CALCOCO2: variants seen among roughly 807,000 people sequenced by gnomAD.
CALCOCO2 encodes calcium-binding and coiled-coil domain-containing protein 2.
CALCOCO2 carries 42 observed loss-of-function variants against 62.5 expected under a neutral mutation model. That is an observed-to-expected ratio of 0.67 (90% confidence interval 0.53 to 0.87). The LOEUF (loss-of-function observed/expected upper bound fraction) is 0.87. CALCOCO2 is among the 40% of genes least tolerant of loss of function. CALCOCO2 has a pLI of 0.00. For synonymous variants in CALCOCO2, 167 were observed against 173.0 expected, an observed-to-expected ratio of 0.97 and a Z score of 0.27; for missense variants, 456 against 515.0, an observed-to-expected ratio of 0.89 and a Z score of 1.11.
chr17:48,859,602 A>G (rs2040297358), intron 10 of CALCOCO2, among the ~76,000 whole-genome samples: 1 of 151,766 alleles, frequency 6.6e-6, no homozygotes, highest in Non-Finnish European at 1.5e-5. Flanking sequence ...CCCTGTCTCT[A>G]AAAAAAACAA....
intron 1 of CALCOCO2, among the ~76,000 whole-genome samples, chr17:48,837,104 T>A (rs765868361): frequency 1.2e-4 from 18 of 152,114 alleles, no homozygotes; most frequent in Non-Finnish European, 2.2e-4. Flanking sequence ...TTCTTCATGA[T>A]CCGCAAAGGA....
Position 48,862,999 on chromosome 17 carries a change from TC to T in CALCOCO2, c.1336del (p.Leu446SerfsTer16). The T allele has an allele frequency of 6.2e-7, 1 of 1,608,420 alleles. No individual in the cohort carries two copies. The highest frequency in any genetic ancestry group is 1.1e-5 in the South Asian group (1 of 90,942). On this transcript the variant is annotated frameshift_variant, in exon 13 of 13. Coordinates refer to ENST00000258947, the MANE Select transcript of CALCOCO2 (RefSeq NM_005831.5). LOFTEE classifies it high-confidence loss of function. ...IFEDHVFCHS[L>X] ...TTGAAGACCACGTGTTCTGCCACTCTCTCTGAGTATCCCAACCTCTTGGATG... is the reference window on the plus strand; with the variant it reads ...TTGAAGACCACGTGTTCTGCCACTCTTCTGAGTATCCCAACCTCTTGGATG...
chr17:48,849,421 A>T (rs780880543), intron 5 of CALCOCO2, 44 bp downstream of exon 5: 1 of 1,572,062 alleles, frequency 6.4e-7, no homozygotes, highest in South Asian at 1.1e-5. Context: ...TGGAGATCAG[A>T]ATTGGATGGT....
chr17:48,837,134 C>T (rs999309332), intron 1 of CALCOCO2, among the ~76,000 whole-genome samples: 6 of 152,104 alleles, frequency 3.9e-5, no homozygotes, highest in African/African-American at 9.7e-5. Context: ...TAATTTTACA[C>T]GCACAGATAA....
intron 5 of CALCOCO2, 22 bp downstream of exon 5, chr17:48,849,399 G>C (rs376326523): frequency 6.2e-7 from 1 of 1,609,348 alleles, no homozygotes; most frequent in African/African-American, 1.3e-5. Flanking sequence ...GGTTATAGGT[G>C]ACCTTGGAGC....
At chr17:48,839,694 T>C (rs143639014) in intron 1 of CALCOCO2, among the ~76,000 whole-genome samples, 1 of 137,064 alleles carries the variant, frequency 7.3e-6, no homozygotes, top group East Asian at 2.1e-4. Context: ...TTTTTTTTTT[T>C]AAACGGAGTT....
In CALCOCO2 at chr17:48,853,023, C is replaced by G; in HGVS notation, c.912+11C>G. 6.3e-7 allele frequency: 1 copy of G among 1,584,534 alleles called. No individual in the cohort carries two copies. Among genetic ancestry groups the G allele is most frequent in the Non-Finnish European group, 8.7e-7 (1 of 1,153,184 alleles). The stretch of plus-strand genomic sequence containing the variant: ...CAACAGGAATTAATGGCATGTCTGT[C>G]TTTGGATGGTTATGTGGGAGGGAGC... On this transcript the variant is annotated intron_variant, in intron 9 of 12. Transcript: ENST00000258947.
At chr17:48,833,892 GC>G (rs2039852527) in intron 1 of CALCOCO2, among the ~76,000 whole-genome samples, 1 of 152,128 alleles carries the variant, frequency 6.6e-6, no homozygotes, top group African/African-American at 2.4e-5. Context: ...ACTTTGGGAG[GC>G]CGAGGCAGAT....
intron 1 of CALCOCO2, chr17:48,841,444 C>G: frequency 3.1e-6 from 1 of 320,608 alleles, no homozygotes; most frequent in South Asian, 7.4e-5. Context: ...CTATAAGCCT[C>G]TGTTCATGTG....
At chr17:48,844,435 T>C (rs1305122722) in intron 2 of CALCOCO2, among the ~76,000 whole-genome samples, 1 of 151,976 alleles carries the variant, frequency 6.6e-6, no homozygotes, top group Non-Finnish European at 1.5e-5. Context: ...GACTTCACCA[T>C]ATATCATATG....
rs1439254499 is a variant in CALCOCO2, at chr17:48,852,431, G to A, written c.703-75G>A. The A allele has an allele frequency of 4.5e-6, 6 of 1,330,292 alleles. No individual in the cohort carries two copies. The African/African-American group carries it at 8.8e-5, about 20-fold the overall frequency. The allele number at this position is 1,330,292 out of a possible 1,614,324, so 82.4% of individuals were successfully genotyped here. A position where few individuals can be genotyped will look rare whatever the true frequency, so the allele number is the denominator to read the frequency against. ...TAGGGAAACACATCTCTTTGTTATT[G>A]TACGTTAAAAAGCATTGTTCCTGTT... On this transcript the variant is annotated intron_variant, in intron 7 of 12. Transcript: ENST00000258947.
At chr17:48,838,288 C>G (rs190237390) in intron 1 of CALCOCO2, among the ~76,000 whole-genome samples, 1 of 152,264 alleles carries the variant, frequency 6.6e-6, no homozygotes, top group African/African-American at 2.4e-5. Flanking sequence ...CTATAGATAA[C>G]ATAACCAATT....
chr17:48,851,252 T>C (rs570278710), intron 6 of CALCOCO2, 75 bp downstream of exon 6: 20 of 846,328 alleles, frequency 2.4e-5, no homozygotes, highest in Non-Finnish European at 4.0e-5. Context: ...TCAGATTAGA[T>C]TTCTGGAATT....
In CALCOCO2 at chr17:48,854,152, C is replaced by G. The variant is rs377752817; in HGVS notation, c.912+1140C>G. On this transcript the variant is annotated intron_variant, in intron 9 of 12. Transcript: ENST00000258947. ...CCAAAATGGAGAAACCCCGTCTCTA[C>G]GAAAAATACAAAAATTAGCCGGGCA... Among the ~76,000 whole-genome samples the G allele has an allele frequency of 3.3e-5, 5 of 150,198 alleles. No individual in the cohort carries two copies. The East Asian group carries it at 1.0e-3, about 31-fold the overall frequency.
At chr17:48,844,304 ACTTACCAGACT>A (rs1276605249) in intron 2 of CALCOCO2, among the ~76,000 whole-genome samples, 1 of 152,140 alleles carries the variant, frequency 6.6e-6, no homozygotes, top group Non-Finnish European at 1.5e-5. Flanking sequence ...TTCAAAAATT[ACTTACCAGACT>A]TTAAAACGTA....
chr17:48,850,126 C>T (rs2040106525), intron 5 of CALCOCO2, among the ~76,000 whole-genome samples: 1 of 152,130 alleles, frequency 6.6e-6, no homozygotes, highest in Non-Finnish European at 1.5e-5. Context: ...TGGTGAAACC[C>T]CGTCTCTACT....
chr17:48,848,522 T>A, intron 4 of CALCOCO2, 67 bp downstream of exon 4: 1 of 1,437,020 alleles, frequency 7.0e-7, no homozygotes, highest in East Asian at 2.3e-5. Flanking sequence ...TAGGATGGAA[T>A]TTGAGTTAAT....
At chr17:48,843,646 G>A (rs555425988) in intron 2 of CALCOCO2, among the ~76,000 whole-genome samples, 2 of 152,232 alleles carry the variant, frequency 1.3e-5, no homozygotes, top group Non-Finnish European at 2.9e-5. Context: ...AGACTGCAAG[G>A]TGTTGAATCA....
chr17:48,855,446 A>G (rs2040201787), intron 9 of CALCOCO2, among the ~76,000 whole-genome samples: 1 of 152,156 alleles, frequency 6.6e-6, no homozygotes, highest in African/African-American at 2.4e-5. Context: ...AAAAACCACA[A>G]CTAGTAGGCT....
Sources: gnomAD v4.1 joint callset for allele counts (sites outside exome capture counted in the v4.1 genomes callset) on GRCh38, gnomAD v4.1.1 for gene constraint, MANE v1.5 for transcripts, NCBI Gene and HGNC (gene_info 2026-07-23, HGNC 2026-07-21) for gene names.